BAZ2B: variants seen among roughly 807,000 people sequenced by gnomAD.
The protein encoded by BAZ2B is bromodomain adjacent to zinc finger domain protein 2B.
BAZ2B carries 91 observed loss-of-function variants against 246.0 expected under a neutral mutation model. The ratio of observed to expected loss-of-function variants is 0.37; its 90% CI spans 0.31 to 0.44. The LOEUF (loss-of-function observed/expected upper bound fraction) is 0.44, where lower values mean the gene tolerates loss of function less well. Among genes scored for constraint, BAZ2B ranks in the 20% least tolerant of loss-of-function variants. BAZ2B has a pLI of 1.00. For synonymous variants in BAZ2B, 855 were observed against 860.0 expected, an observed-to-expected ratio of 0.99 and a Z score of 0.10; for missense variants, 2,332 against 2,533.7, an observed-to-expected ratio of 0.92 and a Z score of 1.71.
At chr2:159,689,022 T>C in the BAZ2B span, among the ~76,000 whole-genome samples, 1 of 152,140 alleles carries the variant, frequency 6.6e-6, no homozygotes, top group Non-Finnish European at 1.5e-5. Context: ...TGTGGGGAGA[T>C]ATTTTGAGTA....
chr2:159,624,091 G>A, the BAZ2B span, among the ~76,000 whole-genome samples: 2 of 152,180 alleles, frequency 1.3e-5, no homozygotes, highest in Non-Finnish European at 2.9e-5. Flanking sequence ...GGTTCGAACC[G>A]GGTGGAGCCC....
chr2:159,706,015 T>G, the BAZ2B span, among the ~76,000 whole-genome samples: 2 of 151,968 alleles, frequency 1.3e-5, no homozygotes, highest in East Asian at 1.9e-4. Flanking sequence ...ATGCTTAAAT[T>G]TGATTTCATT....
chr2:159,584,927 T>C (rs1687702217), intron 1 of BAZ2B, among the ~76,000 whole-genome samples: 1 of 152,184 alleles, frequency 6.6e-6, no homozygotes, highest in Non-Finnish European at 1.5e-5. Context: ...TTTCACTATG[T>C]GATGTGCCTT....
chr2:159,407,790 G>T (rs1047328102), intron 14 of BAZ2B, among the ~76,000 whole-genome samples: 1 of 152,004 alleles, frequency 6.6e-6, no homozygotes, highest in Non-Finnish European at 1.5e-5. Context: ...AAAAATTTCT[G>T]GGTCACACAA....
intron 2 of BAZ2B, among the ~76,000 whole-genome samples, chr2:159,500,841 C>T (rs1194053549): frequency 6.6e-6 from 1 of 151,356 alleles, no homozygotes; most frequent in African/African-American, 2.4e-5. Flanking sequence ...GTAATCCCAG[C>T]TACTTGGGAG....
In BAZ2B at chr2:159,349,211, T is replaced by C; in HGVS notation, c.4933A>G (p.Ile1645Val). The C allele has an allele frequency of 6.2e-7, 1 of 1,614,068 alleles. No homozygotes were observed. Among genetic ancestry groups the C allele is most frequent in the East Asian group, 2.2e-5 (1 of 44,878 alleles). ...GWPTGVVTSN[I>V]PFTSSVPSLG... Reference sequence around the variant, plus strand: ...CTAGGTACAGATGATGTAAATGGAATATTAGAAGTAACCACACCAGTGGGC... The same window carrying C: ...CTAGGTACAGATGATGTAAATGGAACATTAGAAGTAACCACACCAGTGGGC... The change falls in exon 29 of 37, where the codon ATT becomes GTT. Residue 1645 changes from isoleucine (I) to valine (V), a missense_variant. By Grantham distance (29) the Ile-to-Val change is conservative. Around this residue, in one of 9 missense-constraint regions of BAZ2B, gnomAD observed 676 missense variants for 668.6 expected, o/e 1.01. Coordinates refer to ENST00000392783, the MANE Select transcript of BAZ2B (RefSeq NM_013450.4).
At chr2:159,455,763 G>T (rs4665070) in intron 3 of BAZ2B, among the ~76,000 whole-genome samples, 23,658 of 67,530 alleles carry the variant, frequency 0.35, 5,419 homozygotes, top group Non-Finnish European at 0.46. Context: ...AAATATTGTG[G>T]TTTTTTTTTT....
At chr2:159,383,855 C>A (rs78976422) in intron 23 of BAZ2B, among the ~76,000 whole-genome samples, 175 bp from the exon 24 acceptor site, 2,976 of 152,068 alleles carry the variant, frequency 0.02, 84 homozygotes, top group African/African-American at 0.068. Context: ...TATGTATACA[C>A]AGATGTTGAA....
Position 159,350,002 on chromosome 2 carries a change from T to C in BAZ2B, c.4569A>G (p.Ala1523=). The C allele has an allele frequency of 1.2e-6, 2 of 1,614,200 alleles. No homozygotes were observed. The highest frequency in any genetic ancestry group is 1.7e-6 in the Non-Finnish European group (2 of 1,180,024). ...CAGTATTAAACAGATTATTAGAGTC[T>C]GCCTTTTCCACATTGCTTTGCGTTG... is the stretch of plus-strand genomic sequence containing the variant. The part of the protein sequence containing the change: ...STATQSNVEK[A]DSNNLFNTGS... The change falls in exon 28 of 37, where the codon GCA becomes GCG. Residue 1523 remains alanine (A), a synonymous_variant. Coordinates refer to ENST00000392783, the MANE Select transcript of BAZ2B (RefSeq NM_013450.4).
chr2:159,493,559 C>T (rs137941810), intron 2 of BAZ2B, among the ~76,000 whole-genome samples: 8 of 152,192 alleles, frequency 5.3e-5, no homozygotes, highest in Non-Finnish European at 1.0e-4. Flanking sequence ...GAAACTTAAA[C>T]TAATATCATG....
chr2:159,462,978 T>G, intron 3 of BAZ2B: 1 of 932,538 alleles, frequency 1.1e-6, no homozygotes, highest in South Asian at 1.3e-5. Flanking sequence ...AAAGGAAATT[T>G]TGTTTCTTGG....
chr2:159,559,113 G>T (rs952638371), intron 1 of BAZ2B, among the ~76,000 whole-genome samples: 1 of 152,012 alleles, frequency 6.6e-6, no homozygotes, highest in African/African-American at 2.4e-5. Context: ...GGTGGCACAC[G>T]CCTGTAGTCC....
chr2:159,521,342 A>T (rs949676850), intron 2 of BAZ2B, among the ~76,000 whole-genome samples: 4 of 152,104 alleles, frequency 2.6e-5, no homozygotes, highest in Non-Finnish European at 5.9e-5. Flanking sequence ...ATATTATTCA[A>T]TTTTCTTTCT....
intron 34 of BAZ2B, among the ~76,000 whole-genome samples, chr2:159,328,467 G>A (rs1384506580): frequency 6.6e-6 from 1 of 152,148 alleles, no homozygotes; most frequent in African/African-American, 2.4e-5. Context: ...TAAAAATTCT[G>A]AATTTGTTTC....
chr2:159,376,626 G>A (rs1320833130), intron 25 of BAZ2B, among the ~76,000 whole-genome samples: 1 of 152,142 alleles, frequency 6.6e-6, no homozygotes, highest in Admixed American at 6.5e-5. Flanking sequence ...ATTCTAAAAT[G>A]ATCTTCTGAT....
chr2:159,511,253 G>A (rs2082889393), intron 2 of BAZ2B, among the ~76,000 whole-genome samples: 1 of 151,994 alleles, frequency 6.6e-6, no homozygotes, highest in African/African-American at 2.4e-5. Flanking sequence ...ACCCAGGCTG[G>A]AGTGCAATGG....
chr2:159,532,479 C>T (rs1271144284), intron 2 of BAZ2B, among the ~76,000 whole-genome samples: 1 of 152,178 alleles, frequency 6.6e-6, no homozygotes, highest in Non-Finnish European at 1.5e-5. Context: ...AAACAAGACT[C>T]ATGGCCTCAA....
the BAZ2B span, among the ~76,000 whole-genome samples, chr2:159,701,582 T>A: frequency 6.7e-6 from 1 of 149,774 alleles, no homozygotes. Flanking sequence ...TTAATAGTTG[T>A]ATTTGTAGTT....
chr2:159,405,059 T>C lies in BAZ2B; in HGVS notation c.2733A>G (p.Glu911=), dbSNP rs756757115. Residue 911 remains glutamate (E), a synonymous_variant, in exon 15 of 37, where the codon GAA becomes GAG. Transcript: ENST00000392783. ...IKLLRKLQKQ[E]QARVAKEAKK... is the part of the protein sequence containing the mutation. ...TGGCTTCTTTAGCAACCCGAGCCTG[T>C]TCCTGCTTTTGAAGTTTTCTCAAAA... 3 of 1,614,142 alleles carry C rather than the reference T, an allele frequency of 1.9e-6. No homozygotes were observed. The highest frequency in any genetic ancestry group is 2.2e-5 in the South Asian group (2 of 91,078).
Sources: allele counts gnomAD v4.1 joint callset (sites outside exome capture counted in the v4.1 genomes callset), GRCh38; gene constraint gnomAD v4.1.1; regional missense constraint gnomAD v4.1.1; transcripts MANE v1.5; gene names NCBI Gene and HGNC (gene_info 2026-07-23, HGNC 2026-07-21).